The following ASPSCR1 variants were observed in gnomAD, a reference collection of about 807,000 sequenced individuals.
ASPSCR1 encodes tether containing UBX domain for GLUT4.
Under a neutral mutation model 68.9 loss-of-function variants are expected in ASPSCR1, and 55 were observed. That is an observed-to-expected ratio of 0.80 (90% CI 0.64 to 1.00). The LOEUF is 1.00. ASPSCR1 is among the 50% of genes least tolerant of loss of function. ASPSCR1 has a pLI of 0.00. For synonymous variants in ASPSCR1, 352 were observed against 332.6 expected (o/e 1.06, Z -0.63); for missense variants, 765 against 762.2 (o/e 1.00, Z -0.04).
intron 12 of ASPSCR1, chr17:82,015,059 C>T (rs1381401449): frequency 2.5e-6 from 4 of 1,592,542 alleles, no homozygotes; most frequent in Middle Eastern, 1.6e-4. Flanking sequence ...CGGTGTGACC[C>T]ACTTTCCCTT....
At chr17:82,012,433 C>T (rs1000511677) in intron 12 of ASPSCR1, 150 bp downstream of exon 12, 15 of 919,000 alleles carry the variant, frequency 1.6e-5, no homozygotes, top group East Asian at 2.6e-5. Flanking sequence ...CCGAGGGGGC[C>T]GTGCGCCTCT....
At chr17:82,005,018 G>A (rs963760664) in intron 7 of ASPSCR1, 2 of 152,330 alleles carry the variant, frequency 1.3e-5, no homozygotes, top group East Asian at 3.9e-4. Context: ...ATCGGCTCAG[G>A]GGAGGCCATC....
intron 7 of ASPSCR1, among the ~76,000 whole-genome samples, chr17:82,001,400 A>G (rs1341936084): frequency 6.6e-6 from 1 of 152,160 alleles, no homozygotes; most frequent in African/African-American, 2.4e-5. Context: ...GCTATGCCTC[A>G]TGGGTGTCTG....
At chr17:82,008,276 G>A (rs1598426657) in intron 7 of ASPSCR1, 1 of 152,370 alleles carries the variant, frequency 6.6e-6, no homozygotes, top group Admixed American at 6.5e-5. Flanking sequence ...GTTGTTCGCA[G>A]GGACTGCCAA....
At position 81,999,739 on chromosome 17, in the gene ASPSCR1, G is replaced by T. The variant is rs772901549; in HGVS notation, c.933+2893G>T. On this transcript the variant is annotated intron_variant, in intron 7 of 15. Transcript: ENST00000306739. The surrounding 1 kb of genome is among the most constrained non-coding windows in gnomAD (Gnocchi z 4.4). ...GCTACGTGTCCCGGAACTCAGGTGA[G>T]GTCAGGAGTTTGCTTCCTCCTCCTC... Among the ~76,000 whole-genome samples, 31 of 152,158 alleles carry T rather than the reference G, an allele frequency of 2.0e-4. No individual in the cohort carries two copies. The highest frequency in any genetic ancestry group is 4.3e-4 in the Non-Finnish European group (29 of 68,014).
chr17:82,010,295 CAAG>C lies in ASPSCR1; in HGVS notation c.1171-506_1171-504del, dbSNP rs2042883054. Among the ~76,000 whole-genome samples the C allele has an allele frequency of 3.3e-5, 5 of 150,810 alleles. No homozygotes were observed. In the South Asian group the frequency reaches 8.4e-4, roughly 25 times the overall value. Reference sequence around the variant, plus strand: ...CTGTAATCCCAGCACTTTGGGAGGCCAAGGTGGGCGGATCATGAGGTCAGGAGA... The same window carrying C: ...CTGTAATCCCAGCACTTTGGGAGGCCGTGGGCGGATCATGAGGTCAGGAGA... On this transcript the variant is annotated intron_variant, in intron 9 of 15. Coordinates refer to ENST00000306739, the MANE Select transcript of ASPSCR1 (RefSeq NM_024083.4).
At chr17:81,989,790 G>A (rs1049386054) in intron 4 of ASPSCR1, among the ~76,000 whole-genome samples, 14 of 152,150 alleles carry the variant, frequency 9.2e-5, no homozygotes, top group African/African-American at 1.2e-4. Context: ...CGAGCCACAC[G>A]TCGGCCATGG....
intron 4 of ASPSCR1, among the ~76,000 whole-genome samples, chr17:81,991,196 C>G (rs1168614637): frequency 1.3e-5 from 2 of 152,156 alleles, no homozygotes; most frequent in African/African-American, 4.8e-5. Flanking sequence ...GGGGATTTGT[C>G]CTCTCTCAGA....
At chr17:81,984,874 G>A (rs867954265) in intron 3 of ASPSCR1, among the ~76,000 whole-genome samples, 247 of 19,316 alleles carry the variant, frequency 0.013, no homozygotes, top group Admixed American at 0.032. Context: ...GCACACCCCC[G>A]CACACACACC....
In ASPSCR1 at chr17:81,986,856, G is replaced by C. The variant is rs945631450; in HGVS notation, c.374+1249G>C. On this transcript the variant is annotated intron_variant, in intron 4 of 15. Transcript: ENST00000306739. This position sits in a 1 kb window ranked among gnomAD's most constrained non-coding sequence, Gnocchi z 5.2. ...CATGGCACGGGTGTTGCGTTCGTGG[G>C]TGAGAGCGCTGAGGTCTGCACGTCG... Among the ~76,000 whole-genome samples, 3 of 152,188 alleles carry C rather than the reference G, an allele frequency of 2.0e-5. No homozygotes were observed. The highest frequency in any genetic ancestry group is 4.4e-5 in the Non-Finnish European group (3 of 68,026).
intron 6 of ASPSCR1, 53 bp downstream of exon 6, chr17:81,996,118 G>A: frequency 4.6e-6 from 7 of 1,509,720 alleles, no homozygotes; most frequent in Non-Finnish European, 6.2e-6. Context: ...AAAAAAAAGT[G>A]GTCTCAAAGG....
intron 3 of ASPSCR1, 70 bp from the exon 4 acceptor site, chr17:81,985,437 T>C (rs1213571368): frequency 2.0e-6 from 3 of 1,506,208 alleles, no homozygotes; most frequent in Non-Finnish European, 2.8e-6. Context: ...GTCTGGAGAA[T>C]CAGTCTGGGA....
In ASPSCR1 at chr17:81,985,740, C is replaced by T. The variant is rs537105425; in HGVS notation, c.374+133C>T. The T allele has an allele frequency of 8.7e-5, 73 of 836,166 alleles. No individual in the cohort carries two copies. The African/African-American group carries it at 1.2e-3, about 13-fold the overall frequency. 51.8% of individuals were successfully genotyped at this position (836,166 alleles called of 1,614,324 possible). On this transcript the variant is annotated intron_variant, in intron 4 of 15. Transcript: ENST00000306739. ...TGGTGCCTCTTGGCACTTTGCAGTC[C>T]TTTGTAGAGGAGGGGTGTGTGGGCT...
At chr17:81,992,380 T>C (rs1229433731) in intron 4 of ASPSCR1, among the ~76,000 whole-genome samples, 1 of 152,262 alleles carries the variant, frequency 6.6e-6, no homozygotes, top group South Asian at 2.1e-4. Flanking sequence ...AGGGAGGGAA[T>C]CTGATCCCTC....
intron 7 of ASPSCR1, 173 bp from the exon 8 acceptor site, chr17:82,008,864 T>A: frequency 1.1e-6 from 1 of 893,026 alleles, no homozygotes; most frequent in Non-Finnish European, 1.6e-6. Flanking sequence ...CCCCAGCTGC[T>A]GTGCCCAGCC....
chr17:82,004,052 C>T (rs769592969), intron 7 of ASPSCR1, among the ~76,000 whole-genome samples: 2 of 152,232 alleles, frequency 1.3e-5, no homozygotes, highest in Non-Finnish European at 2.9e-5. Flanking sequence ...AGGTTGGGGC[C>T]ACCTCCGAAT....
chr17:81,984,004 G>A (rs1412996476), intron 3 of ASPSCR1, among the ~76,000 whole-genome samples: 1 of 151,806 alleles, frequency 6.6e-6, no homozygotes, highest in East Asian at 1.9e-4. Context: ...ACAGGTGCCC[G>A]CCACCACACC....
intron 12 of ASPSCR1, chr17:82,015,035 T>A (rs373541058): frequency 6.4e-7 from 1 of 1,559,942 alleles, no homozygotes; most frequent in Non-Finnish European, 8.6e-7. Context: ...CGGGCCCTGC[T>A]CTGGCTGGGG....
At chr17:82,001,618 G>A (rs1276566033) in intron 7 of ASPSCR1, among the ~76,000 whole-genome samples, 1 of 152,220 alleles carries the variant, frequency 6.6e-6, no homozygotes, top group Non-Finnish European at 1.5e-5. Flanking sequence ...CACTGGGGCT[G>A]TGGGGAGAAC....
Sources: allele counts gnomAD v4.1 joint callset (sites outside exome capture counted in the v4.1 genomes callset), GRCh38; gene constraint gnomAD v4.1.1; non-coding constraint Gnocchi (gnomAD v3.1); transcripts MANE v1.5; gene names NCBI Gene and HGNC (gene_info 2026-07-23, HGNC 2026-07-21).